The following KHDRBS2 variants were observed in gnomAD, a reference collection of about 807,000 sequenced individuals.
KHDRBS2 encodes KH domain-containing, RNA-binding, signal transduction-associated protein 2.
KHDRBS2 carries 26 observed loss-of-function variants against 44.3 expected under a neutral mutation model. The observed-to-expected ratio is 0.59, with a 90% confidence interval of 0.43 to 0.81. The LOEUF (loss-of-function observed/expected upper bound fraction) is 0.81. KHDRBS2 is among the 40% of genes least tolerant of loss of function. KHDRBS2 has a pLI of 0.00. For synonymous variants in KHDRBS2, 194 were observed against 151.1 expected (o/e 1.28, Z -2.08); for missense variants, 476 against 433.1 (o/e 1.10, Z -0.88).
intron 4 of KHDRBS2, among the ~76,000 whole-genome samples, chr6:61,906,834 T>C (rs1805119089): frequency 6.6e-6 from 1 of 152,174 alleles, no homozygotes; most frequent in South Asian, 2.1e-4. Context: ...ACATTGGCTA[T>C]TGAGAAGGGT....
intron 6 of KHDRBS2, among the ~76,000 whole-genome samples, chr6:61,865,788 G>T (rs1037030886): frequency 2.0e-5 from 3 of 152,172 alleles, no homozygotes; most frequent in Admixed American, 2.0e-4. Flanking sequence ...GGATAAATTG[G>T]CCAAAACAAA....
intron 6 of KHDRBS2, among the ~76,000 whole-genome samples, chr6:61,865,264 C>G (rs1666808627): frequency 6.6e-6 from 1 of 152,056 alleles, no homozygotes. Context: ...CCGAAGCCTA[C>G]TATATTAGTC....
At chr6:61,771,653 T>A (rs1488414085) in intron 6 of KHDRBS2, among the ~76,000 whole-genome samples, 2 of 152,146 alleles carry the variant, frequency 1.3e-5, no homozygotes. Context: ...TAAATATATA[T>A]GCACCCAATA....
chr6:61,977,886 G>A (rs557053084), intron 4 of KHDRBS2, among the ~76,000 whole-genome samples, 180 bp downstream of exon 4: 14 of 152,202 alleles, frequency 9.2e-5, no homozygotes, highest in African/African-American at 2.6e-4. Flanking sequence ...ATGGCAACAC[G>A]CCAGGTCCTG....
intron 6 of KHDRBS2, among the ~76,000 whole-genome samples, chr6:61,872,259 T>C (rs1411029756): frequency 6.6e-6 from 1 of 152,170 alleles, no homozygotes; most frequent in Non-Finnish European, 1.5e-5. Context: ...CCCTGTGTTA[T>C]TCAGGAAGCA....
At chr6:61,967,686 T>C (rs373095249) in intron 4 of KHDRBS2, among the ~76,000 whole-genome samples, 2 of 150,882 alleles carry the variant, frequency 1.3e-5, no homozygotes, top group South Asian at 2.1e-4. Context: ...CAGAGAGAGG[T>C]GGATTATTTT....
intron 4 of KHDRBS2, among the ~76,000 whole-genome samples, chr6:61,930,621 C>A (rs9345759): frequency 1.4e-5 from 2 of 144,310 alleles, no homozygotes; most frequent in Non-Finnish European, 3.0e-5. Flanking sequence ...TGCTTGAACC[C>A]GGGAGGTGGA....
chr6:62,190,350 G>A (rs1376462399), intron 1 of KHDRBS2, among the ~76,000 whole-genome samples: 1 of 152,046 alleles, frequency 6.6e-6, no homozygotes, highest in Non-Finnish European at 1.5e-5. Flanking sequence ...AGAGGATGTG[G>A]CCACAGTATG....
rs115138620 is a variant in KHDRBS2, at chr6:61,939,299, C to A, written c.484-37928G>T. ...CAGTCGATTTGGGACATTAAACAATCCACTGTAACCTGCTCTATTTTTACC... is the reference window on the plus strand; with the variant it reads ...CAGTCGATTTGGGACATTAAACAATACACTGTAACCTGCTCTATTTTTACC... On this transcript the variant is annotated intron_variant, in intron 4 of 8. Transcript: ENST00000281156. 2.0e-3 allele frequency among the ~76,000 whole-genome samples: 303 copies of A among 152,300 alleles called. 2 individuals are homozygous for A. Among genetic ancestry groups the A allele is most frequent in the African/African-American group, 7.1e-3 (297 of 41,566 alleles).
the KHDRBS2 span, among the ~76,000 whole-genome samples, chr6:61,668,621 T>A: frequency 6.6e-6 from 1 of 151,080 alleles, no homozygotes; most frequent in Non-Finnish European, 1.5e-5. Context: ...AATTATTAGA[T>A]CTCAGGACAT....
At chr6:61,560,907 G>T in the KHDRBS2 span, among the ~76,000 whole-genome samples, 1 of 152,172 alleles carries the variant, frequency 6.6e-6, no homozygotes, top group East Asian at 1.9e-4. Context: ...TGAAGAGTTA[G>T]GTACCTATTT....
the KHDRBS2 span, among the ~76,000 whole-genome samples, chr6:61,631,323 A>T: frequency 6.7e-6 from 1 of 149,672 alleles, no homozygotes; most frequent in Non-Finnish European, 1.5e-5. Context: ...AAAAAAAAAA[A>T]AAAAAAAAAA....
chr6:61,827,921 T>A (rs1242400510), intron 6 of KHDRBS2, among the ~76,000 whole-genome samples: 2 of 152,146 alleles, frequency 1.3e-5, no homozygotes, highest in African/African-American at 4.8e-5. Flanking sequence ...GTTCAGCATA[T>A]GAATTTGTGG....
chr6:62,087,055 A>G (rs537331163), intron 2 of KHDRBS2, among the ~76,000 whole-genome samples: 1 of 152,304 alleles, frequency 6.6e-6, no homozygotes, highest in South Asian at 2.1e-4. Flanking sequence ...AGAAGGAACT[A>G]TGTAAATTTA....
intron 7 of KHDRBS2, among the ~76,000 whole-genome samples, chr6:61,724,540 C>T (rs1426042057): frequency 6.6e-6 from 1 of 152,118 alleles, no homozygotes; most frequent in African/African-American, 2.4e-5. Flanking sequence ...AGCCTAGACC[C>T]ATAGGTATGT....
At chr6:62,239,846 C>T (rs193200542) in intron 1 of KHDRBS2, among the ~76,000 whole-genome samples, 72 of 151,872 alleles carry the variant, frequency 4.7e-4, no homozygotes, top group Admixed American at 4.3e-3. Flanking sequence ...CCACCATGCC[C>T]GACCAATTTT....
chr6:61,798,169 TA>T (rs1316510950), intron 6 of KHDRBS2, among the ~76,000 whole-genome samples: 3 of 152,116 alleles, frequency 2.0e-5, no homozygotes, highest in Non-Finnish European at 4.4e-5. Flanking sequence ...ACAGGAGAAA[TA>T]TCTCATGCCA....
intron 4 of KHDRBS2, among the ~76,000 whole-genome samples, chr6:61,968,650 C>G (rs1049473926): frequency 6.6e-6 from 1 of 151,946 alleles, no homozygotes; most frequent in Admixed American, 6.6e-5. Flanking sequence ...TACAGAGAAG[C>G]CTAATACTAA....
chr6:61,973,729 T>C (rs1463457780), intron 4 of KHDRBS2, among the ~76,000 whole-genome samples: 3 of 152,154 alleles, frequency 2.0e-5, no homozygotes, highest in Non-Finnish European at 4.4e-5. Context: ...TATCTTTCCT[T>C]TAAATTATAT....
Sources: gnomAD v4.1 joint callset for allele counts (sites outside exome capture counted in the v4.1 genomes callset) on GRCh38, gnomAD v4.1.1 for gene constraint, MANE v1.5 for transcripts, NCBI Gene and HGNC (gene_info 2026-07-23, HGNC 2026-07-21) for gene names.